Variants in NAV2 observed in about 807,000 individuals in gnomAD.
NAV2 encodes helicase, APC down-regulated 1.
In NAV2, 54 loss-of-function variants were observed where a neutral mutation model predicts 223.2. That is an observed-to-expected ratio of 0.24 (90% confidence interval 0.19 to 0.30). The LOEUF (loss-of-function observed/expected upper bound fraction) is 0.30. Among genes scored for constraint, NAV2 ranks in the 10% least tolerant of loss-of-function variants. The pLI is 1.00. For synonymous variants in NAV2, 1,279 were observed against 1,239.3 expected, an observed-to-expected ratio of 1.03 and a Z score of -0.67; for missense variants, 2,806 against 3,147.5, an observed-to-expected ratio of 0.89 and a Z score of 2.60.
intron 1 of NAV2, among the ~76,000 whole-genome samples, chr11:19,446,581 G>T (rs548679450): frequency 5.9e-5 from 9 of 152,294 alleles, no homozygotes; most frequent in African/African-American, 2.2e-4. Flanking sequence ...TAGCCTGCCA[G>T]GTGATAGCAG....
At chr11:19,927,320 G>T (rs919246969) in intron 6 of NAV2, among the ~76,000 whole-genome samples, 6 of 152,182 alleles carry the variant, frequency 3.9e-5, no homozygotes, top group Admixed American at 3.9e-4. Flanking sequence ...AGTGGCTCAC[G>T]CCTGTAATCC....
intron 1 of NAV2, among the ~76,000 whole-genome samples, chr11:19,772,408 T>C (rs554411164): frequency 4.1e-4 from 63 of 152,350 alleles, no homozygotes; most frequent in Admixed American, 2.1e-3. Context: ...TCTCTGAGCC[T>C]TTCTCTGCAA....
At chr11:19,385,351 G>C (rs1848994154) in intron 1 of NAV2, among the ~76,000 whole-genome samples, 1 of 152,218 alleles carries the variant, frequency 6.6e-6, no homozygotes, top group Non-Finnish European at 1.5e-5. Flanking sequence ...TATATATTTA[G>C]AGTTCATGGT....
chr11:19,736,477 G>T (rs1290450467), intron 1 of NAV2, among the ~76,000 whole-genome samples: 1 of 152,116 alleles, frequency 6.6e-6, no homozygotes, highest in African/African-American at 2.4e-5. Context: ...CAGTGGTAAG[G>T]ACTCTTACAA....
chr11:19,392,048 G>A (rs773259901), intron 1 of NAV2, among the ~76,000 whole-genome samples: 5 of 152,182 alleles, frequency 3.3e-5, no homozygotes, highest in African/African-American at 4.8e-5. Flanking sequence ...CTAGAGAATG[G>A]AGAGTTTGGA....
At chr11:20,025,136 G>A (rs2054920188) in intron 11 of NAV2, among the ~76,000 whole-genome samples, 1 of 152,114 alleles carries the variant, frequency 6.6e-6, no homozygotes, top group African/African-American at 2.4e-5. Context: ...CTGGCACCTT[G>A]GGCAGGTCAC....
At chr11:19,934,452 C>T (rs1210982894) in intron 7 of NAV2, among the ~76,000 whole-genome samples, 175 bp downstream of exon 7, 2 of 152,170 alleles carry the variant, frequency 1.3e-5, no homozygotes, top group African/African-American at 4.8e-5. Context: ...CTCCAGGGAG[C>T]AGTTCATACA....
intron 1 of NAV2, among the ~76,000 whole-genome samples, chr11:19,470,782 G>A (rs2041940642): frequency 6.6e-6 from 1 of 152,160 alleles, no homozygotes; most frequent in African/African-American, 2.4e-5. Context: ...GATCAAAGTG[G>A]AAGAACTACA....
intron 1 of NAV2, among the ~76,000 whole-genome samples, chr11:19,352,119 A>C (rs1221078678): frequency 6.6e-6 from 1 of 152,188 alleles, no homozygotes; most frequent in Non-Finnish European, 1.5e-5. Context: ...CAATTTCTGA[A>C]ACTGCTGTCG....
intron 6 of NAV2, among the ~76,000 whole-genome samples, chr11:19,914,822 G>A (rs1211821574): frequency 2.6e-5 from 4 of 152,170 alleles, no homozygotes; most frequent in Admixed American, 6.5e-5. Flanking sequence ...GGGATTACAG[G>A]CGTGAGCCAC....
chr11:19,880,245 C>T, intron 5 of NAV2, 118 bp downstream of exon 5: 2 of 1,371,272 alleles, frequency 1.5e-6, no homozygotes, highest in Non-Finnish European at 1.9e-6. Flanking sequence ...CTGAGAGCTA[C>T]TGGTGGTTAG....
At chr11:19,726,918 C>T (rs1197669778) in intron 1 of NAV2, among the ~76,000 whole-genome samples, 1 of 152,194 alleles carries the variant, frequency 6.6e-6, no homozygotes, top group African/African-American at 2.4e-5. Context: ...AAAGTACTGT[C>T]GCCACCTCTG....
intron 6 of NAV2, among the ~76,000 whole-genome samples, chr11:19,906,990 T>C (rs905586560): frequency 6.6e-6 from 1 of 152,164 alleles, no homozygotes; most frequent in African/African-American, 2.4e-5. Flanking sequence ...AGCAACTCTA[T>C]TTGATGGCTG....
chr11:19,896,220 T>C (rs2041973929), intron 6 of NAV2, among the ~76,000 whole-genome samples: 1 of 152,174 alleles, frequency 6.6e-6, no homozygotes. Context: ...TTCACCATTT[T>C]AATCAATAAT....
intron 4 of NAV2, among the ~76,000 whole-genome samples, chr11:19,875,931 A>C (rs2062808558): frequency 6.6e-6 from 1 of 151,928 alleles, no homozygotes; most frequent in South Asian, 2.1e-4. Context: ...GGTTCTGAGG[A>C]GGCTGCAGGT....
intron 1 of NAV2, among the ~76,000 whole-genome samples, chr11:19,590,101 A>T (rs1051541210): frequency 6.6e-6 from 1 of 152,144 alleles, no homozygotes; most frequent in Non-Finnish European, 1.5e-5. Flanking sequence ...TTACTTAACC[A>T]CTGTGCCGAC....
At chr11:19,404,898 C>CATGT (rs1029359235) in intron 1 of NAV2, among the ~76,000 whole-genome samples, 38 of 152,166 alleles carry the variant, frequency 2.5e-4, no homozygotes, top group African/African-American at 8.9e-4. Context: ...ATCTGGAAGG[C>CATGT]CTGTCTGTCT....
rs771114588 is a variant in NAV2 at position 20,044,091 on chromosome 11, C to T, written c.3018C>T (p.Ser1006=). Residue 1006 remains serine, a synonymous_variant, in exon 13 of 38, where the codon TCC becomes TCT. Coordinates refer to ENST00000349880, the MANE Select transcript of NAV2 (RefSeq NM_145117.5). The part of the protein sequence containing the change: ...SDSGIKMEPG[S]KWRRNPSDVS... ...GCGGCATAAAAATGGAGCCAGGTTC[C>T]AAGTGGAGGCGGAATCCTTCTGATG... is the stretch of plus-strand genomic sequence containing the variant. 6.8e-6 allele frequency: 11 copies of T among 1,614,062 alleles called. No individual in the cohort carries two copies. The highest frequency in any genetic ancestry group is 1.3e-5 in the African/African-American group (1 of 74,926).
rs1182631250 is a variant in NAV2, at chr11:20,106,183, GTATATATATATATATATATATATATATA to G, written c.6841+476_6841+503del. On this transcript the variant is annotated intron_variant, in intron 35 of 37. Transcript: ENST00000349880. The stretch of plus-strand genomic sequence containing the variant: ...TATATATATATATATATATGTGTGT[GTATATATATATATATATATATATATATA>G]TATATATATATATATATATGCTTTA... Among the ~76,000 whole-genome samples the G allele has an allele frequency of 2.0e-3, 50 of 25,536 alleles. 2 individuals carry two copies. The highest frequency in any genetic ancestry group is 4.5e-3 in the African/African-American group (44 of 9,702). The allele number at this position is 25,536 out of a possible 152,430, so 16.8% of individuals were successfully genotyped here. A position where few individuals can be genotyped will look rare whatever the true frequency, so the allele number is the denominator to read the frequency against.
Sources: gnomAD v4.1 joint callset for allele counts (sites outside exome capture counted in the v4.1 genomes callset) on GRCh38, gnomAD v4.1.1 for gene constraint, MANE v1.5 for transcripts, NCBI Gene and HGNC (gene_info 2026-07-23, HGNC 2026-07-21) for gene names.